Variants in MYO9A observed in about 807,000 individuals in gnomAD.
MYO9A encodes myosin IXA.
Under a neutral mutation model 293.3 loss-of-function variants are expected in MYO9A, and 103 were observed. That is an observed-to-expected ratio of 0.35 (90% confidence interval 0.30 to 0.41). The LOEUF is 0.41. Ranked by LOEUF, MYO9A falls within the 10% of genes least tolerant of loss-of-function variation. MYO9A has a pLI of 1.00. For synonymous variants in MYO9A, 1,001 were observed against 1,035.7 expected, an observed-to-expected ratio of 0.97 and a Z score of 0.64; for missense variants, 2,685 against 3,033.0, an observed-to-expected ratio of 0.89 and a Z score of 2.69.
intron 1 of MYO9A, among the ~76,000 whole-genome samples, chr15:72,069,754 C>T (rs1363520251): frequency 6.6e-6 from 1 of 151,546 alleles, no homozygotes; most frequent in Non-Finnish European, 1.5e-5. Flanking sequence ...ATCCCTCCTT[C>T]ATTTTCTTTC....
intron 1 of MYO9A, among the ~76,000 whole-genome samples, chr15:72,059,097 G>T (rs2078805259): frequency 6.6e-6 from 1 of 152,160 alleles, no homozygotes; most frequent in Non-Finnish European, 1.5e-5. Flanking sequence ...TTACCTCTCT[G>T]TATATTTAGA....
intron 8 of MYO9A, among the ~76,000 whole-genome samples, chr15:72,006,994 G>A (rs2077035447): frequency 6.6e-6 from 1 of 152,168 alleles, no homozygotes; most frequent in Non-Finnish European, 1.5e-5. Context: ...CTTTCTCACT[G>A]TTGAAGCGGG....
At position 71,826,894 on chromosome 15, in the gene MYO9A, G is replaced by T. The variant is rs200146296; in HGVS notation, c.7333C>A (p.His2445Asn). ...ATCTGAAATAGTTTTCTGGTCCCAT[G>T]AGATGATGCCGTGTTAGACAGACAT... ...SLCLSNTASS[H>N]GTRKLFQIYS... Residue 2445 changes from histidine to asparagine, a missense_variant, in exon 42 of 42, where the codon CAT (histidine) becomes AAT (asparagine). Physicochemically the swap from His to Asn is moderately conservative, Grantham distance 68. Coordinates refer to ENST00000356056, the MANE Select transcript of MYO9A (RefSeq NM_006901.4). The T allele has an allele frequency of 1.9e-6, 3 of 1,614,134 alleles. No individual in the cohort carries two copies. In the African/African-American group the frequency reaches 4.0e-5, roughly 22 times the overall value.
chr15:71,935,037 T>A (rs1451943586), intron 17 of MYO9A: 3 of 198,208 alleles, frequency 1.5e-5, no homozygotes, highest in African/African-American at 6.9e-5. Context: ...AGTTTTTTCT[T>A]TCTCTGAAGG....
chr15:72,006,277 T>G (rs138719105), intron 8 of MYO9A, among the ~76,000 whole-genome samples: 2 of 152,040 alleles, frequency 1.3e-5, no homozygotes, highest in East Asian at 1.9e-4. Flanking sequence ...TGTTGTTGTT[T>G]TTAGTAGAGA....
intron 6 of MYO9A, among the ~76,000 whole-genome samples, chr15:72,017,293 G>A (rs941371847): frequency 2.0e-5 from 3 of 151,966 alleles, no homozygotes; most frequent in African/African-American, 7.2e-5. Context: ...AATTACAGGC[G>A]TGAGCCACTA....
chr15:71,896,779 TAA>T (rs746633105), intron 25 of MYO9A: 7 of 137,714 alleles, frequency 5.1e-5, no homozygotes, highest in South Asian at 2.3e-4. Context: ...GACTCCATCT[TAA>T]AAAAAAAAAA....
At position 71,901,225 on chromosome 15, in the gene MYO9A, A is replaced by G. The variant is rs758650377; in HGVS notation, c.3116T>C (p.Phe1039Ser). The change falls in exon 23 of 42, where the codon TTC (phenylalanine) becomes TCC (serine). Residue 1039 changes from phenylalanine (F) to serine (S), a missense_variant. Transcript: ENST00000356056. Reference protein sequence around the residue: ...WFRVLLCRQHFLHLRQASVII... With the variant: ...WFRVLLCRQHSLHLRQASVII... ...AACAGATGCTTGTCTCAGATGGAGG[A>G]AATGCTGCCTACACAGCAAGACCCT... 2.5e-6 allele frequency: 4 copies of G among 1,613,320 alleles called. No individual in the cohort carries two copies. The South Asian group carries it at 4.4e-5, about 18-fold the overall frequency.
intron 1 of MYO9A, among the ~76,000 whole-genome samples, chr15:72,088,927 T>C (rs1014582312): frequency 1.2e-4 from 19 of 152,170 alleles, no homozygotes; most frequent in African/African-American, 4.6e-4. Flanking sequence ...TTATCCACAG[T>C]CATCCAGTCT....
intron 13 of MYO9A, among the ~76,000 whole-genome samples, chr15:71,967,284 T>C (rs2147254967): frequency 6.6e-6 from 1 of 152,296 alleles, no homozygotes; most frequent in Middle Eastern, 3.4e-3. Flanking sequence ...CAGGACTACA[T>C]CTGTCTAGTT....
In MYO9A at chr15:71,872,912, C is replaced by CT. The variant is rs951210079; in HGVS notation, c.5979+2878dup. Among the ~76,000 whole-genome samples the CT allele has an allele frequency of 3.4e-4, 51 of 148,600 alleles. No homozygotes were observed. The East Asian group carries it at 6.7e-3, about 19-fold the overall frequency. On this transcript the variant is annotated intron_variant, in intron 32 of 41. Coordinates refer to ENST00000356056, the MANE Select transcript of MYO9A (RefSeq NM_006901.4). ...TTCTGTACAGTGTTTAGCCCTTGTA[C>CT]TTTTTTTTTTCTTTTTTTGAGACAG...
At chr15:72,001,370 C>G (rs1030094607) in intron 8 of MYO9A, among the ~76,000 whole-genome samples, 1 of 151,836 alleles carries the variant, frequency 6.6e-6, no homozygotes, top group East Asian at 1.9e-4. Flanking sequence ...GCCTGGCCAA[C>G]ATGGGAAATC....
chr15:71,960,490 C>T lies in MYO9A; in HGVS notation c.1987-394G>A, dbSNP rs2075711779. The T allele has an allele frequency of 2.3e-5, 4 of 177,504 alleles. No individual in the cohort carries two copies. The South Asian group carries it at 5.7e-4, about 25-fold the overall frequency. 11.0% of individuals were successfully genotyped at this position (177,504 alleles called of 1,614,324 possible). ...AGATATCAGTGCTCTGCTTCCTGTA[C>T]AGCCTGAAGAATCGTGAGCCAATTA... On this transcript the variant is annotated intron_variant, in intron 13 of 41. Transcript: ENST00000356056.
chr15:72,097,648 A>C (rs2150759172), intron 1 of MYO9A, among the ~76,000 whole-genome samples: 1 of 152,308 alleles, frequency 6.6e-6, no homozygotes, highest in Non-Finnish European at 1.5e-5. Context: ...GAGATGGTGA[A>C]ACAAAAATAT....
chr15:71,850,004 G>T, intron 38 of MYO9A, 32 bp downstream of exon 38: 1 of 1,611,130 alleles, frequency 6.2e-7, no homozygotes, highest in Non-Finnish European at 8.5e-7. Flanking sequence ...AAGTCCCTGA[G>T]GTCTTGCAAA....
chr15:72,107,300 G>A (rs796451440), intron 1 of MYO9A, among the ~76,000 whole-genome samples: 32 of 152,286 alleles, frequency 2.1e-4, no homozygotes, highest in African/African-American at 7.7e-4. Flanking sequence ...TGTAATCCTA[G>A]CACTTTGGGA....
chr15:71,874,864 T>C (rs2056633579), intron 32 of MYO9A, among the ~76,000 whole-genome samples: 1 of 152,198 alleles, frequency 6.6e-6, no homozygotes, highest in Non-Finnish European at 1.5e-5. Flanking sequence ...TTTTTCCCAA[T>C]GGCTAGATAT....
At chr15:71,999,679 T>G (rs2076809560) in intron 9 of MYO9A, among the ~76,000 whole-genome samples, 172 bp downstream of exon 9, 1 of 152,202 alleles carries the variant, frequency 6.6e-6, no homozygotes, top group Non-Finnish European at 1.5e-5. Flanking sequence ...CATTCAAATT[T>G]AAGTTTCTAA....
chr15:71,906,758 C>CTTTCTTTCTTTTTTTTTTTTTTTTTT (rs765264146), intron 19 of MYO9A, among the ~76,000 whole-genome samples: 2 of 61,012 alleles, frequency 3.3e-5, no homozygotes, highest in African/African-American at 1.3e-4. Flanking sequence ...CCATTTCTTT[C>CTTTCTTTCTTTTTTTTTTTTTTTTTT]TTTTTTTTTT....
Sources: allele counts gnomAD v4.1 joint callset (sites outside exome capture counted in the v4.1 genomes callset), GRCh38; gene constraint gnomAD v4.1.1; transcripts MANE v1.5; gene names NCBI Gene and HGNC (gene_info 2026-07-23, HGNC 2026-07-21).